Variants in VPS39 observed in about 807,000 individuals in gnomAD.
VPS39 encodes vam6/Vps39-like protein.
VPS39 carries 70 observed loss-of-function variants against 121.0 expected under a neutral mutation model. The observed-to-expected ratio is 0.58, with a 90% confidence interval of 0.48 to 0.71. The LOEUF (loss-of-function observed/expected upper bound fraction) is 0.71, where lower values mean the gene tolerates loss of function less well. VPS39 is among the 30% of genes least tolerant of loss of function. The pLI is 0.00. For synonymous variants in VPS39, 378 were observed against 398.1 expected (o/e 0.95, Z 0.60); for missense variants, 818 against 1,051.5 (o/e 0.78, Z 3.07).
At chr15:42,183,604 G>C (rs1330695527) in intron 8 of VPS39, among the ~76,000 whole-genome samples, 1 of 152,124 alleles carries the variant, frequency 6.6e-6, no homozygotes, top group Non-Finnish European at 1.5e-5. Flanking sequence ...TTTCTGCCTA[G>C]ATTGAATGGA....
intron 2 of VPS39, among the ~76,000 whole-genome samples, chr15:42,198,605 T>C (rs1323289500): frequency 2.0e-5 from 3 of 152,200 alleles, no homozygotes; most frequent in Non-Finnish European, 4.4e-5. Flanking sequence ...TCTCCCAAAG[T>C]GCTGGGATTA....
In VPS39 at chr15:42,173,854, T is replaced by C. The variant is rs772503388; in HGVS notation, c.961-2A>G. On this transcript the variant is annotated splice_acceptor_variant, in intron 10 of 24. Transcript: ENST00000318006. LOFTEE classifies it high-confidence loss of function. ...ACTGTCAGAATCATCTTTCATTTCC[T>C]AATAACGGAGCAGAATATGTAAGAG... 1.2e-6 allele frequency: 2 copies of C among 1,613,992 alleles called. No homozygotes were observed. Among genetic ancestry groups the C allele is most frequent in the African/African-American group, 2.7e-5 (2 of 75,054 alleles).
At chr15:42,202,535 T>C (rs1483417461) in intron 1 of VPS39, among the ~76,000 whole-genome samples, 1 of 152,204 alleles carries the variant, frequency 6.6e-6, no homozygotes, top group Admixed American at 6.5e-5. Context: ...ATTTCAGATA[T>C]AAATAAAATG....
rs2050220130 is a variant in VPS39, at chr15:42,208,256, G to A, written c.-103C>T. On this transcript the variant is annotated 5_prime_UTR_variant, in exon 1 of 25. Coordinates refer to ENST00000318006, the MANE Select transcript of VPS39 (RefSeq NM_015289.5). ...CTAAGGGTAGACCGGGATCCGGCCAGGAACCCCCCGGCTACAGGCCCTTCA... is the reference window on the plus strand; with the variant it reads ...CTAAGGGTAGACCGGGATCCGGCCAAGAACCCCCCGGCTACAGGCCCTTCA... 2.1e-6 allele frequency: 3 copies of A among 1,449,542 alleles called. No individual in the cohort carries two copies. Among genetic ancestry groups the A allele is most frequent in the African/African-American group, 1.4e-5 (1 of 71,016 alleles). The allele number at this position is 1,449,542 out of a possible 1,614,324, so 89.8% of individuals were successfully genotyped here.
intron 12 of VPS39, 107 bp from the exon 13 acceptor site, chr15:42,167,644 G>C: frequency 7.1e-7 from 1 of 1,412,092 alleles, no homozygotes; most frequent in Non-Finnish European, 9.6e-7. Context: ...CTATTGGCCT[G>C]ATCTCACATT....
intron 10 of VPS39, among the ~76,000 whole-genome samples, chr15:42,175,339 C>T (rs1329810162): frequency 6.8e-6 from 1 of 148,058 alleles, no homozygotes; most frequent in Non-Finnish European, 1.5e-5. Context: ...ACCCGGGAGG[C>T]GGAGGTTGCA....
intron 11 of VPS39, among the ~76,000 whole-genome samples, chr15:42,170,277 A>G (rs1396796466): frequency 1.3e-5 from 2 of 152,244 alleles, no homozygotes; most frequent in Admixed American, 6.5e-5. Context: ...TATTTGTAGT[A>G]TATATGGCAA....
chr15:42,190,086 A>C (rs2049796231), intron 4 of VPS39, among the ~76,000 whole-genome samples: 1 of 152,058 alleles, frequency 6.6e-6, no homozygotes, highest in African/African-American at 2.4e-5. Flanking sequence ...AAGTGCTGGG[A>C]TTACTGGTGT....
Position 42,167,903 on chromosome 15 carries a change from T to A in VPS39, c.1234-366A>T, listed in dbSNP as rs116576762. Among the ~76,000 whole-genome samples, 1,134 of 152,314 alleles carry A rather than the reference T, an allele frequency of 7.4e-3. 5 individuals carry two copies. Among genetic ancestry groups the A allele is most frequent in the African/African-American group, 9.5e-3 (394 of 41,568 alleles). ...CAAAGCCCATGTTCTTTTATTTTTT[T>A]AAAAATCAACCTTATTGAGGTATAA... is the stretch of plus-strand genomic sequence containing the variant. On this transcript the variant is annotated intron_variant, in intron 12 of 24. Transcript: ENST00000318006.
chr15:42,193,906 G>C (rs530277156), intron 2 of VPS39, among the ~76,000 whole-genome samples: 6 of 149,868 alleles, frequency 4.0e-5, no homozygotes, highest in African/African-American at 1.2e-4. Flanking sequence ...ACCACAACCT[G>C]TCATTCTTTC....
At chr15:42,184,219 TA>T (rs954916160) in intron 8 of VPS39, 39 of 210,310 alleles carry the variant, frequency 1.9e-4, no homozygotes, top group Non-Finnish European at 3.3e-4. Context: ...TCAAAACTCT[TA>T]AAAAAAGGAG....
At chr15:42,206,891 T>C (rs2050185012) in intron 1 of VPS39, among the ~76,000 whole-genome samples, 1 of 152,208 alleles carries the variant, frequency 6.6e-6, no homozygotes, top group Non-Finnish European at 1.5e-5. Context: ...AAAAACTTTT[T>C]CTCCTCCTCT....
chr15:42,199,719 G>T, intron 2 of VPS39, 177 bp downstream of exon 2: 1 of 608,630 alleles, frequency 1.6e-6, no homozygotes, highest in East Asian at 3.2e-5. Context: ...ATGCAGGTAG[G>T]GCAATACAAT....
At chr15:42,177,414 G>T (rs757450262) in intron 10 of VPS39, among the ~76,000 whole-genome samples, 2 of 152,082 alleles carry the variant, frequency 1.3e-5, no homozygotes, top group South Asian at 4.1e-4. Flanking sequence ...AAACATTACA[G>T]TAAGCATCAT....
At chr15:42,174,043 T>C (rs1256409853) in intron 10 of VPS39, among the ~76,000 whole-genome samples, 191 bp from the exon 11 acceptor site, 2 of 151,978 alleles carry the variant, frequency 1.3e-5, no homozygotes, top group Non-Finnish European at 2.9e-5. Flanking sequence ...GTCAGGAGAT[T>C]GAGACCATCC....
chr15:42,170,276 T>A (rs992939247), intron 11 of VPS39, among the ~76,000 whole-genome samples: 5 of 152,142 alleles, frequency 3.3e-5, no homozygotes, highest in South Asian at 2.1e-4. Context: ...ATATTTGTAG[T>A]ATATATGGCA....
chr15:42,178,761 G>A (rs1045914159), intron 8 of VPS39, 191 bp from the exon 9 acceptor site: 5 of 749,186 alleles, frequency 6.7e-6, no homozygotes, highest in Admixed American at 6.0e-5. Context: ...CCAGCAACTT[G>A]AGAGGTTGAG....
At chr15:42,199,518 C>A (rs1019156850) in intron 2 of VPS39, 10 of 442,630 alleles carry the variant, frequency 2.3e-5, no homozygotes, top group Non-Finnish European at 4.6e-5. Context: ...ATCGATGTTG[C>A]CTAATTTTTT....
chr15:42,165,222 T>G, intron 17 of VPS39, 109 bp from the exon 18 acceptor site: 1 of 1,037,036 alleles, frequency 9.6e-7, no homozygotes, highest in Non-Finnish European at 1.5e-6. Context: ...GATTATCCCC[T>G]AATCGGGCTG....
Sources: gnomAD v4.1 joint callset for allele counts (sites outside exome capture counted in the v4.1 genomes callset) on GRCh38, gnomAD v4.1.1 for gene constraint, MANE v1.5 for transcripts, NCBI Gene and HGNC (gene_info 2026-07-23, HGNC 2026-07-21) for gene names.